The following FOXO3 variants were observed in gnomAD, a reference collection of about 807,000 sequenced individuals.
FOXO3 encodes forkhead box O3.
FOXO3 carries 4 observed loss-of-function variants against 41.9 expected under a neutral mutation model. The observed-to-expected ratio is 0.10, with a 90% confidence interval of 0.05 to 0.22. The LOEUF is 0.22. FOXO3 is among the 10% of genes least tolerant of loss of function. FOXO3 has a pLI of 1.00. For synonymous variants in FOXO3, 318 were observed against 389.3 expected (o/e 0.82, Z 2.16); for missense variants, 534 against 906.8 (o/e 0.59, Z 5.28).
At chr6:108,591,717 T>C (rs1285366708) in intron 1 of FOXO3, among the ~76,000 whole-genome samples, 2 of 152,172 alleles carry the variant, frequency 1.3e-5, no homozygotes, top group Non-Finnish European at 2.9e-5. Context: ...AGTTATTGTA[T>C]AGGGAGGTGA....
At chr6:108,657,667 G>A (rs556352248) in intron 1 of FOXO3, among the ~76,000 whole-genome samples, 1 of 152,310 alleles carries the variant, frequency 6.6e-6, no homozygotes, top group South Asian at 2.1e-4. Context: ...TTGGTAAGGT[G>A]ACATACGAAT....
chr6:108,572,509 C>G (rs72940678), intron 1 of FOXO3, among the ~76,000 whole-genome samples: 7,430 of 152,232 alleles, frequency 0.049, 309 homozygotes, highest in South Asian at 0.22. Context: ...AGTGGTTGTC[C>G]TCACAGAAAC....
At chr6:108,666,369 T>C (rs1779061157) in intron 2 of FOXO3, among the ~76,000 whole-genome samples, 1 of 151,960 alleles carries the variant, frequency 6.6e-6, no homozygotes, top group Non-Finnish European at 1.5e-5. Context: ...GGAGTCTTGC[T>C]CTGTCTCCCA....
intron 1 of FOXO3, among the ~76,000 whole-genome samples, chr6:108,585,290 G>T (rs952354390): frequency 6.6e-6 from 1 of 152,106 alleles, no homozygotes; most frequent in East Asian, 1.9e-4. Context: ...TGATCCACCC[G>T]CCTCGGCCTC....
At chr6:108,611,512 C>A (rs79072710) in intron 1 of FOXO3, among the ~76,000 whole-genome samples, 4,535 of 152,224 alleles carry the variant, frequency 0.03, 222 homozygotes, top group African/African-American at 0.1. Context: ...GTTGTTTCAC[C>A]TCCTCTCCAA....
At chr6:108,622,931 G>GAAAAAAA (rs534351537) in intron 1 of FOXO3, among the ~76,000 whole-genome samples, 2 of 107,728 alleles carry the variant, frequency 1.9e-5, no homozygotes, top group African/African-American at 7.1e-5. Flanking sequence ...GGGCCTTTTA[G>GAAAAAAA]AAAAAAAAAA....
upstream of FOXO3, chr6:108,560,822 C>T: frequency 6.3e-6 from 3 of 474,422 alleles, no homozygotes; most frequent in Non-Finnish European, 9.8e-6. Context: ...CCGCCTAGCC[C>T]GGGAGGGACC....
chr6:108,563,514 G>T (rs546427678), intron 1 of FOXO3, among the ~76,000 whole-genome samples: 1 of 152,320 alleles, frequency 6.6e-6, no homozygotes, highest in South Asian at 2.1e-4. Flanking sequence ...TCAGTGTATA[G>T]TATCAGGAAG....
intron 1 of FOXO3, among the ~76,000 whole-genome samples, chr6:108,658,391 G>A (rs1778749270): frequency 6.6e-6 from 1 of 152,180 alleles, no homozygotes; most frequent in Non-Finnish European, 1.5e-5. Flanking sequence ...TGAACTTTCT[G>A]TAGGTAATAG....
intron 2 of FOXO3, among the ~76,000 whole-genome samples, chr6:108,677,235 T>C (rs888367644): frequency 1.3e-5 from 2 of 152,220 alleles, no homozygotes; most frequent in Non-Finnish European, 2.9e-5. Flanking sequence ...TTCACACATC[T>C]CGTTTTTAAT....
intron 1 of FOXO3, among the ~76,000 whole-genome samples, chr6:108,644,903 C>G (rs949250838): frequency 4.6e-5 from 7 of 152,124 alleles, no homozygotes; most frequent in African/African-American, 1.4e-4. Context: ...TAATGTCTGT[C>G]CCTTACCTCC....
intron 1 of FOXO3, among the ~76,000 whole-genome samples, chr6:108,600,937 A>G (rs969017167): frequency 2.0e-5 from 3 of 152,224 alleles, no homozygotes; most frequent in African/African-American, 4.8e-5. Flanking sequence ...ACTGTAGTTC[A>G]CACAACCAGG....
chr6:108,664,241 C>A lies in FOXO3; in HGVS notation c.1408C>A (p.Leu470Ile). ...CATGTCACACTATGGTAACCAGACA[C>A]TCCAGGACCTGCTCACTTCGGACTC... is the stretch of plus-strand genomic sequence containing the variant. ...SSMSHYGNQTLQDLLTSDSLS... is the reference protein window; with the variant it reads ...SSMSHYGNQTIQDLLTSDSLS... Residue 470 changes from leucine (L) to isoleucine (I), a missense_variant, in exon 2 of 3, where the codon CTC becomes ATC. This residue lies in a region of FOXO3 where 16 missense variants were observed against 46.1 expected (regional missense o/e 0.35). Transcript: ENST00000406360. 1.2e-6 allele frequency: 2 copies of A among 1,609,290 alleles called. No individual in the cohort carries two copies. Among genetic ancestry groups the A allele is most frequent in the Non-Finnish European group, 1.7e-6 (2 of 1,176,146 alleles).
At chr6:108,589,103 G>T (rs987379017) in intron 1 of FOXO3, among the ~76,000 whole-genome samples, 14 of 152,310 alleles carry the variant, frequency 9.2e-5, no homozygotes, top group African/African-American at 3.4e-4. Context: ...GAGAATGGAG[G>T]CTGTCATGGA....
chr6:108,652,983 C>A (rs1778587003), intron 1 of FOXO3, among the ~76,000 whole-genome samples: 1 of 152,192 alleles, frequency 6.6e-6, no homozygotes, highest in South Asian at 2.1e-4. Context: ...CACACCCTAT[C>A]AGTTTGCCCT....
intron 1 of FOXO3, among the ~76,000 whole-genome samples, chr6:108,587,698 T>A (rs897828174): frequency 5.3e-5 from 8 of 152,198 alleles, no homozygotes; most frequent in African/African-American, 1.9e-4. Context: ...TCTCCTGCTT[T>A]TGCATTGTCA....
intron 2 of FOXO3, among the ~76,000 whole-genome samples, chr6:108,671,768 G>A (rs1345578957): frequency 6.6e-6 from 1 of 152,140 alleles, no homozygotes; most frequent in Non-Finnish European, 1.5e-5. Context: ...TCATTAAAAA[G>A]GGATCACAGT....
chr6:108,560,964 T>A lies in FOXO3; in HGVS notation c.-245T>A. ...CTGGCCGCACGTCTTCAGGTCCTCC[T>A]GTTCCTGGGAGGCGGGCGCGGCAGG... On this transcript the variant is annotated 5_prime_UTR_variant, in exon 1 of 3. Transcript: ENST00000406360. 1 of 1,332,314 alleles carries A rather than the reference T, an allele frequency of 7.5e-7. No homozygotes were observed. The highest frequency in any genetic ancestry group is 9.5e-7 in the Non-Finnish European group (1 of 1,050,140). The allele number at this position is 1,332,314 out of a possible 1,614,324, so 82.5% of individuals were successfully genotyped here.
In FOXO3 at chr6:108,684,530, A is replaced by G. The variant is rs1644218396; in HGVS notation, c.*4738A>G. ...CTTCTTTCAATGCGAACACTATCAT[A>G]TGGCATTCTTACTGAGGATTTTGTC... is the stretch of plus-strand genomic sequence containing the variant. On this transcript the variant is annotated 3_prime_UTR_variant, in exon 3 of 3. Transcript: ENST00000406360. The G allele has an allele frequency of 1.3e-5, 2 of 152,608 alleles. No individual in the cohort carries two copies. Among genetic ancestry groups the G allele is most frequent in the Admixed American group, 6.5e-5 (1 of 15,284 alleles). The allele number at this position is 152,608 out of a possible 1,614,324, so 9.5% of individuals were successfully genotyped here.
Sources: gnomAD v4.1 joint callset for allele counts (sites outside exome capture counted in the v4.1 genomes callset) on GRCh38, gnomAD v4.1.1 for gene constraint, gnomAD v4.1.1 regional missense constraint, MANE v1.5 for transcripts, NCBI Gene and HGNC (gene_info 2026-07-23, HGNC 2026-07-21) for gene names.